The following S100Z variants were observed in gnomAD, a reference collection of about 807,000 sequenced individuals.
The protein encoded by S100Z is S100 calcium binding protein Z, also known as protein S100-Z.
S100Z carries 11 observed loss-of-function variants against 8.5 expected under a neutral mutation model. The observed-to-expected ratio is 1.30, with a 90% CI of 0.82 to 2.15. The LOEUF (loss-of-function observed/expected upper bound fraction) is 2.15. Ranked by LOEUF, S100Z falls within the 30% of genes most tolerant of loss-of-function variation. The pLI is 0.00. For synonymous variants in S100Z, 34 were observed against 43.8 expected (o/e 0.78, Z 0.89); for missense variants, 126 against 117.9 (o/e 1.07, Z -0.32).
intron 4 of S100Z, among the ~76,000 whole-genome samples, chr5:76,908,135 A>C (rs1030356011): frequency 2.6e-5 from 4 of 152,166 alleles, no homozygotes; most frequent in African/African-American, 9.7e-5. Flanking sequence ...CTGTCTCAAA[A>C]AAATTAATAA....
chr5:76,905,242 C>T (rs887796785), intron 4 of S100Z, among the ~76,000 whole-genome samples: 6 of 152,114 alleles, frequency 3.9e-5, no homozygotes, highest in Non-Finnish European at 7.4e-5. Flanking sequence ...TACTATGTTA[C>T]CCAGGCTGGC....
At chr5:76,899,822 T>C (rs1245978266) in intron 4 of S100Z, among the ~76,000 whole-genome samples, 3 of 152,230 alleles carry the variant, frequency 2.0e-5, no homozygotes, top group Admixed American at 1.3e-4. Context: ...TTCTCTATAC[T>C]TACTATTATC....
intron 1 of S100Z, among the ~76,000 whole-genome samples, chr5:76,867,873 C>T (rs1051318212): frequency 1.3e-5 from 2 of 152,308 alleles, no homozygotes; most frequent in Middle Eastern, 3.4e-3. Flanking sequence ...TGAGCCACTG[C>T]GGCCGGCCAC....
chr5:76,922,519 G>GTTGTTTGT (rs70982665), downstream of S100Z, among the ~76,000 whole-genome samples: 41,713 of 151,390 alleles, frequency 0.28, 6,461 homozygotes, highest in South Asian at 0.59. Flanking sequence ...TTTTTTTGTT[G>GTTGTTTGT]TTGTTTGTTT....
At chr5:76,876,840 G>A (rs544062160) in intron 3 of S100Z, among the ~76,000 whole-genome samples, 2 of 152,294 alleles carry the variant, frequency 1.3e-5, no homozygotes, top group South Asian at 4.1e-4. Flanking sequence ...GGGGCATGGG[G>A]ATTTCCTGGA....
intron 1 of S100Z, among the ~76,000 whole-genome samples, chr5:76,864,376 T>C (rs1165892850): frequency 6.7e-6 from 1 of 149,182 alleles, no homozygotes; most frequent in Non-Finnish European, 1.5e-5. Flanking sequence ...TACTGCTTAA[T>C]GCATACTATA....
At chr5:76,882,411 G>A (rs1743433675) in intron 4 of S100Z, among the ~76,000 whole-genome samples, 1 of 152,196 alleles carries the variant, frequency 6.6e-6, no homozygotes, top group African/African-American at 2.4e-5. Context: ...GAGTTAGGGA[G>A]AGCTAGTGTG....
chr5:76,861,308 TGA>T (rs1450455843), intron 1 of S100Z, among the ~76,000 whole-genome samples: 1 of 151,734 alleles, frequency 6.6e-6, no homozygotes, highest in East Asian at 1.9e-4. Context: ...GCCTCCAGAG[TGA>T]GTGATTCAAG....
chr5:76,942,157 T>C, the S100Z span, among the ~76,000 whole-genome samples: 15,237 of 151,944 alleles, frequency 0.1, 858 homozygotes, highest in Middle Eastern at 0.15. Context: ...CTTTGTTGCC[T>C]AGGCTGAAGT....
chr5:76,950,345 G>T, the S100Z span, among the ~76,000 whole-genome samples: 1 of 152,192 alleles, frequency 6.6e-6, no homozygotes, highest in African/African-American at 2.4e-5. Context: ...TGGAGGCTCT[G>T]CCATGAAGTG....
At chr5:76,924,828 G>T (rs964584069), downstream of S100Z, among the ~76,000 whole-genome samples, 1 of 151,994 alleles carries the variant, frequency 6.6e-6, no homozygotes, top group Admixed American at 6.6e-5. Flanking sequence ...TAGGAGAATC[G>T]CTTGAACGCG....
intron 4 of S100Z, among the ~76,000 whole-genome samples, chr5:76,908,074 G>A (rs1250230380): frequency 1.3e-5 from 2 of 152,136 alleles, no homozygotes; most frequent in East Asian, 3.9e-4. Context: ...TGAGGATTCG[G>A]TAAGCCATGA....
chr5:76,860,535 C>T (rs908632644), intron 1 of S100Z, among the ~76,000 whole-genome samples: 2 of 152,018 alleles, frequency 1.3e-5, no homozygotes, highest in African/African-American at 4.8e-5. Flanking sequence ...AGACTCATGA[C>T]AAGTAAGCCC....
chr5:76,891,021 C>T (rs1743838785), intron 4 of S100Z, among the ~76,000 whole-genome samples: 1 of 152,092 alleles, frequency 6.6e-6, no homozygotes, highest in African/African-American at 2.4e-5. Context: ...ACCACCACGC[C>T]TGGCTAATTT....
At chr5:76,915,789 AACTC>A (rs368252480) in intron 4 of S100Z, among the ~76,000 whole-genome samples, 8 of 152,204 alleles carry the variant, frequency 5.3e-5, no homozygotes, top group Non-Finnish European at 8.8e-5. Context: ...CTCTACAAGA[AACTC>A]ACATCAAATA....
At chr5:76,852,520 G>A (rs1750760550) in intron 1 of S100Z, among the ~76,000 whole-genome samples, 1 of 152,050 alleles carries the variant, frequency 6.6e-6, no homozygotes, top group African/African-American at 2.4e-5. Flanking sequence ...GAATAGCCTG[G>A]CCAACATGGT....
At chr5:76,854,568 G>C (rs1750827059) in intron 1 of S100Z, among the ~76,000 whole-genome samples, 2 of 152,212 alleles carry the variant, frequency 1.3e-5, no homozygotes, top group Non-Finnish European at 2.9e-5. Context: ...TCAAGATATG[G>C]ACTGGCTGCT....
At chr5:76,940,263 G>T in the S100Z span, among the ~76,000 whole-genome samples, 3 of 152,098 alleles carry the variant, frequency 2.0e-5, no homozygotes, top group Admixed American at 6.5e-5. Flanking sequence ...AACAAAGGAC[G>T]TGATCAGCAG....
chr5:76,878,729 T>C (rs1483920772), intron 4 of S100Z, among the ~76,000 whole-genome samples: 2 of 152,162 alleles, frequency 1.3e-5, no homozygotes, highest in African/African-American at 4.8e-5. Context: ...GAGATGGCAA[T>C]CGTGGCAGGC....
Sources: gnomAD v4.1 joint callset for allele counts (sites outside exome capture counted in the v4.1 genomes callset) on GRCh38, gnomAD v4.1.1 for gene constraint, MANE v1.5 for transcripts, NCBI Gene and HGNC (gene_info 2026-07-23, HGNC 2026-07-21) for gene names.